RFX8: variants seen among roughly 807,000 people sequenced by gnomAD.
RFX8 encodes the protein regulatory factor X8, also known as DNA-binding protein RFX8.
A neutral mutation model predicts 54.6 loss-of-function variants in RFX8; 46 were observed. That is an observed-to-expected ratio of 0.84 (90% confidence interval 0.67 to 1.08). The LOEUF is 1.08. Ranked by LOEUF, RFX8 falls within the 50% of genes least tolerant of loss-of-function variation. The pLI is 0.00. For synonymous variants in RFX8, 192 were observed against 209.5 expected (o/e 0.92, Z 0.72); for missense variants, 536 against 562.3 (o/e 0.95, Z 0.47).
At chr2:101,439,596 C>CTTTTTTT (rs139433618) in intron 2 of RFX8, among the ~76,000 whole-genome samples, 1 of 143,604 alleles carries the variant, frequency 7.0e-6, no homozygotes, top group African/African-American at 2.6e-5. Context: ...GATTGAAGTT[C>CTTTTTTT]ATTTTTTTTT....
At chr2:101,444,703 C>G (rs1368136315) in intron 2 of RFX8, among the ~76,000 whole-genome samples, 1 of 152,080 alleles carries the variant, frequency 6.6e-6, no homozygotes, top group Non-Finnish European at 1.5e-5. Flanking sequence ...AATTATGCAA[C>G]TGAAAAATAC....
rs528120281 is a variant in RFX8 at position 101,410,747 on chromosome 2, G to T, written c.719-34C>A. 3.7e-5 allele frequency: 40 copies of T among 1,091,372 alleles called. No homozygotes were observed. In the East Asian group the frequency reaches 1.0e-3, roughly 28 times the overall value. 67.6% of individuals were successfully genotyped at this position (1,091,372 alleles called of 1,614,324 possible). A position where few individuals can be genotyped will look rare whatever the true frequency, so the allele number is the denominator to read the frequency against. On this transcript the variant is annotated intron_variant, in intron 8 of 11. Transcript: ENST00000428343. ...ACACAAAATAAACAAACAAAAGATTGCATGCAGCAGAGCAGAATTTCTCTT... is the reference window on the plus strand; with the variant it reads ...ACACAAAATAAACAAACAAAAGATTTCATGCAGCAGAGCAGAATTTCTCTT...
intron 1 of RFX8, chr2:101,474,368 G>A (rs1690188833): frequency 4.9e-6 from 2 of 410,110 alleles, no homozygotes; most frequent in Non-Finnish European, 8.6e-6. Context: ...GCCGCTCCTC[G>A]GTGTTTACTT....
chr2:101,439,300 T>C (rs6543059), intron 2 of RFX8, among the ~76,000 whole-genome samples: 115,066 of 152,052 alleles, frequency 0.76, 44,498 homozygotes, highest in Middle Eastern at 0.88. Flanking sequence ...TGGTCAGTTA[T>C]GTGGTTTGCA....
intron 7 of RFX8, among the ~76,000 whole-genome samples, chr2:101,413,386 G>C (rs1426844778): frequency 2.0e-5 from 3 of 152,170 alleles, no homozygotes; most frequent in Admixed American, 6.5e-5. Context: ...CGGGGATTGA[G>C]CCTCTGCAAG....
chr2:101,406,336 C>A (rs535283609), intron 9 of RFX8, among the ~76,000 whole-genome samples: 1 of 150,858 alleles, frequency 6.6e-6, no homozygotes, highest in East Asian at 2.0e-4. Flanking sequence ...AAAAAAAAAG[C>A]AAATTTTTTT....
At chr2:101,401,155 G>A (rs1685420353) in intron 11 of RFX8, among the ~76,000 whole-genome samples, 2 of 152,332 alleles carry the variant, frequency 1.3e-5, no homozygotes, top group South Asian at 4.1e-4. Flanking sequence ...CTCACAGAGA[G>A]CACCGAATGC....
intron 2 of RFX8, 66 bp downstream of exon 2, chr2:101,466,711 C>T: frequency 8.8e-7 from 1 of 1,140,542 alleles, no homozygotes; most frequent in Non-Finnish European, 1.3e-6. Context: ...GCAACATTTC[C>T]TCCAATAACT....
intron 2 of RFX8, among the ~76,000 whole-genome samples, chr2:101,458,636 C>A (rs1689110655): frequency 1.3e-5 from 2 of 152,294 alleles, no homozygotes; most frequent in South Asian, 4.1e-4. Flanking sequence ...TCTGTCTGCC[C>A]TTAACACTTT....
In RFX8 at chr2:101,402,535, C is replaced by A. The variant is rs1336991586; in HGVS notation, c.1146G>T (p.Val382=). 1 of 1,551,792 alleles carries A rather than the reference C, an allele frequency of 6.4e-7. No individual in the cohort carries two copies. Among genetic ancestry groups the A allele is most frequent in the Non-Finnish European group, 8.7e-7 (1 of 1,147,006 alleles). The change falls in exon 11 of 12, where the codon GTG becomes GTT. Residue 382 remains valine, a synonymous_variant. Transcript: ENST00000428343. The part of the protein sequence containing the change: ...CASPSMEPLG[V]MPTHMGQGRY... The stretch of plus-strand genomic sequence containing the variant: ...GGCCCTGGCCCATGTGTGTGGGCAT[C>A]ACCCCCAGTGGCTCCATGCTGGGGC...
chr2:101,469,079 A>ATATATAT, intron 1 of RFX8, among the ~76,000 whole-genome samples: 2 of 11,088 alleles, frequency 1.8e-4, no homozygotes, highest in African/African-American at 4.3e-4. Context: ...TATATATATA[A>ATATATAT]GTGTATATAT....
chr2:101,453,289 AT>A (rs1688798207), intron 2 of RFX8, among the ~76,000 whole-genome samples: 2 of 139,998 alleles, frequency 1.4e-5, no homozygotes, highest in Non-Finnish European at 1.5e-5. Flanking sequence ...AAAAAAATAA[AT>A]AAATAAAAAG....
At chr2:101,450,767 T>C in intron 2 of RFX8, 1 of 695,924 alleles carries the variant, frequency 1.4e-6, no homozygotes, top group Admixed American at 2.5e-5. Context: ...TAATGAAGAC[T>C]TGGAGTTCTT....
chr2:101,452,891 G>A (rs919866638), intron 2 of RFX8, among the ~76,000 whole-genome samples: 1 of 152,102 alleles, frequency 6.6e-6, no homozygotes, highest in Non-Finnish European at 1.5e-5. Flanking sequence ...CGAATCATGA[G>A]GTCAAGAGAT....
Position 101,413,084 on chromosome 2 carries a change from G to C in RFX8, c.562-13C>G. On this transcript the variant is annotated splice_polypyrimidine_tract_variant and intron_variant, in intron 7 of 11. Coordinates refer to ENST00000428343, the MANE Select transcript of RFX8 (RefSeq NM_001145664.2). The stretch of plus-strand genomic sequence containing the variant: ...CCATTCGCATAGTCTAAAGATAACA[G>C]GGAGGCATAATACTTAATTCAATCT... The C allele has an allele frequency of 5.8e-6, 9 of 1,548,894 alleles. No homozygotes were observed. The highest frequency in any genetic ancestry group is 7.9e-6 in the Non-Finnish European group (9 of 1,145,754).
intron 2 of RFX8, among the ~76,000 whole-genome samples, chr2:101,425,660 T>C (rs796934167): frequency 3.3e-5 from 5 of 152,268 alleles, no homozygotes; most frequent in South Asian, 2.1e-4. Flanking sequence ...TCTTCCTCCA[T>C]AGACATTACT....
chr2:101,444,042 G>A (rs989244952), intron 2 of RFX8, among the ~76,000 whole-genome samples: 1 of 152,164 alleles, frequency 6.6e-6, no homozygotes, highest in East Asian at 1.9e-4. Context: ...TAGTGAAGCC[G>A]TGGGTCAATT....
chr2:101,450,557 G>A (rs1688618658), intron 2 of RFX8: 1 of 1,030,302 alleles, frequency 9.7e-7, no homozygotes, highest in South Asian at 1.4e-5. Context: ...CCAGGCTTGT[G>A]ACCCAAGACC....
intron 2 of RFX8, among the ~76,000 whole-genome samples, chr2:101,448,169 A>G (rs1019946693): frequency 2.6e-5 from 4 of 152,228 alleles, no homozygotes; most frequent in Non-Finnish European, 5.9e-5. Context: ...TTGGAAGGAC[A>G]CAAACATTCA....
Sources: allele counts gnomAD v4.1 joint callset (sites outside exome capture counted in the v4.1 genomes callset), GRCh38; gene constraint gnomAD v4.1.1; transcripts MANE v1.5; gene names NCBI Gene and HGNC (gene_info 2026-07-23, HGNC 2026-07-21).